The following CCDC141 variants were observed in gnomAD, a reference collection of about 807,000 sequenced individuals.
The protein encoded by CCDC141 is coiled-coil domain-containing protein 141.
A neutral mutation model predicts 181.0 loss-of-function variants in CCDC141; 168 were observed. The observed-to-expected ratio is 0.93, with a 90% CI of 0.82 to 1.05. CCDC141 has a LOEUF of 1.05. Ranked by LOEUF, CCDC141 falls within the 50% of genes least tolerant of loss-of-function variation. The probability of loss-of-function intolerance (pLI) is 0.00; values close to 1 mark genes in which losing one functional copy is unlikely to be tolerated. For synonymous variants in CCDC141, 666 were observed against 642.3 expected (o/e 1.04, Z -0.56); for missense variants, 1,902 against 1,788.5 (o/e 1.06, Z -1.14).
intron 2 of CCDC141, among the ~76,000 whole-genome samples, chr2:179,010,854 C>A (rs1025801311): frequency 6.6e-6 from 1 of 152,118 alleles, no homozygotes; most frequent in African/African-American, 2.4e-5. Context: ...TGCCTAAATG[C>A]TCCACTTAAA....
rs149705929 is a variant in CCDC141, at chr2:178,946,928, A to G, written c.781-2277T>C. 4.7e-3 allele frequency among the ~76,000 whole-genome samples: 721 copies of G among 152,310 alleles called. 1 individual carries two copies. The highest frequency in any genetic ancestry group is 0.017 in the African/African-American group (693 of 41,562). On this transcript the variant is annotated intron_variant, in intron 5 of 23. Coordinates refer to ENST00000443758, the MANE Select transcript of CCDC141 (RefSeq NM_173648.4). ...CTCTCTAGATCTACAAATTTTTACT[A>G]CCAGATGCACCCTGGAAAGAAACAT...
rs753511801 is a variant in CCDC141 at position 178,850,166 on chromosome 2, G to A, written c.3245-5C>T. 4.7e-6 allele frequency: 7 copies of A among 1,488,770 alleles called. No individual in the cohort carries two copies. Among genetic ancestry groups the A allele is most frequent in the South Asian group, 3.5e-5 (3 of 85,650 alleles). 92.2% of individuals were successfully genotyped at this position (1,488,770 alleles called of 1,614,324 possible). A position where few individuals can be genotyped will look rare whatever the true frequency, so the allele number is the denominator to read the frequency against. ...ATTTCTGTCCTTCTTCCAAACCTGG[G>A]GAGGAGAAGGATGAAACTAGTTTTA... On this transcript the variant is annotated splice_polypyrimidine_tract_variant and splice_region_variant and intron_variant, in intron 20 of 23. Coordinates refer to ENST00000443758, the MANE Select transcript of CCDC141 (RefSeq NM_173648.4).
At chr2:178,909,191 A>G (rs931086786) in intron 7 of CCDC141, among the ~76,000 whole-genome samples, 4 of 152,240 alleles carry the variant, frequency 2.6e-5, no homozygotes, top group Non-Finnish European at 4.4e-5. Context: ...ATGGAAATAA[A>G]TTGAAAGACT....
At chr2:178,834,801 A>G (rs1287135240) in intron 23 of CCDC141, among the ~76,000 whole-genome samples, 1 of 150,988 alleles carries the variant, frequency 6.6e-6, no homozygotes, top group Non-Finnish European at 1.5e-5. Context: ...GCTGGTCTTG[A>G]ACTCCTGGTT....
At chr2:178,820,131 T>C in the CCDC141 span, among the ~76,000 whole-genome samples, 2 of 152,230 alleles carry the variant, frequency 1.3e-5, no homozygotes, top group African/African-American at 4.8e-5. Context: ...ATTAGAAAGA[T>C]GTAGTTACTT....
At chr2:178,869,573 T>C (rs899447282) in intron 14 of CCDC141, among the ~76,000 whole-genome samples, 57 of 152,356 alleles carry the variant, frequency 3.7e-4, no homozygotes, top group African/African-American at 1.3e-3. Flanking sequence ...AGTCATACAT[T>C]TCTATGGCAT....
chr2:178,966,752 T>C (rs1330263879), intron 4 of CCDC141, among the ~76,000 whole-genome samples: 1 of 151,932 alleles, frequency 6.6e-6, no homozygotes, highest in Non-Finnish European at 1.5e-5. Context: ...GAGAATGAGT[T>C]TGACGAATGA....
intron 22 of CCDC141, among the ~76,000 whole-genome samples, chr2:178,842,081 A>ATG (rs1257080953): frequency 1.3e-5 from 2 of 152,098 alleles, no homozygotes; most frequent in African/African-American, 2.4e-5. Flanking sequence ...CAAAAAAAAA[A>ATG]TGTGTGTGTG....
Position 178,845,742 on chromosome 2 carries a change from G to T in CCDC141, c.3358C>A (p.Gln1120Lys). 5 of 1,557,702 alleles carry T rather than the reference G, an allele frequency of 3.2e-6. No homozygotes were observed. The highest frequency in any genetic ancestry group is 3.5e-6 in the Non-Finnish European group (4 of 1,128,930). ...GGATTCATCTTTAAAACATCTCCCT[G>T]CTGTACAAAGCAACAGTTAGTGAGA... ...SLTELEEKLK[Q>K]GDVLKMNPNL... is the part of the protein sequence containing the mutation. The change falls in exon 22 of 24, where the codon CAG (glutamine) becomes AAG (lysine). Residue 1120 changes from glutamine (Q) to lysine (K), a missense_variant and splice_region_variant. Physicochemically the swap from Gln to Lys is moderately conservative, Grantham distance 53. Coordinates refer to ENST00000443758, the MANE Select transcript of CCDC141 (RefSeq NM_173648.4).
At chr2:178,943,803 A>G (rs1359157567) in intron 6 of CCDC141, among the ~76,000 whole-genome samples, 5 of 152,206 alleles carry the variant, frequency 3.3e-5, no homozygotes, top group Admixed American at 3.3e-4. Flanking sequence ...ACAAGACACA[A>G]TGGAGAGAAG....
intron 2 of CCDC141, among the ~76,000 whole-genome samples, chr2:179,011,426 A>T (rs2042267470): frequency 6.6e-6 from 1 of 152,182 alleles, no homozygotes; most frequent in African/African-American, 2.4e-5. Flanking sequence ...AAATATCACA[A>T]TTCTAAACAT....
chr2:178,975,225 G>T, intron 3 of CCDC141, 60 bp from the exon 4 acceptor site: 2 of 847,050 alleles, frequency 2.4e-6, no homozygotes, highest in South Asian at 1.9e-5. Flanking sequence ...ACGTGCCATT[G>T]TTAGTTACCT....
chr2:179,044,143 G>A (rs938368883), intron 2 of CCDC141, among the ~76,000 whole-genome samples: 1 of 152,084 alleles, frequency 6.6e-6, no homozygotes, highest in Non-Finnish European at 1.5e-5. Context: ...ACCACTGCTC[G>A]AAGAAATCAG....
Position 178,871,608 on chromosome 2 carries a change from T to C in CCDC141, c.2080-56A>G, listed in dbSNP as rs1686124272. 3.1e-6 allele frequency: 5 copies of C among 1,596,148 alleles called. No individual in the cohort carries two copies. In the South Asian group the frequency reaches 5.6e-5, roughly 18 times the overall value. Reference sequence around the variant, plus strand: ...ATTTTCTTTGACATCTCCAGCAAATTTGATCATTCTAGGTATGACGCAGAG... The same window carrying C: ...ATTTTCTTTGACATCTCCAGCAAATCTGATCATTCTAGGTATGACGCAGAG... On this transcript the variant is annotated intron_variant, in intron 13 of 23. Coordinates refer to ENST00000443758, the MANE Select transcript of CCDC141 (RefSeq NM_173648.4).
chr2:178,994,265 C>T (rs1692184110), intron 2 of CCDC141, among the ~76,000 whole-genome samples: 1 of 152,244 alleles, frequency 6.6e-6, no homozygotes, highest in Non-Finnish European at 1.5e-5. Flanking sequence ...GGCATCCAGA[C>T]ATTTCCATAC....
chr2:178,912,094 AAC>A (rs1481674473), intron 7 of CCDC141, among the ~76,000 whole-genome samples: 1 of 152,226 alleles, frequency 6.6e-6, no homozygotes, highest in Non-Finnish European at 1.5e-5. Context: ...ATAATTATTG[AAC>A]ACCCACTAAC....
rs1470141103 is a variant in CCDC141, at chr2:179,047,306, T to A, written c.203A>T (p.Glu68Val). Reference sequence around the variant, plus strand: ...TACCTTGAGCTTGGCCAAAAGAAGTTCATGATCATGAAGAAGTTTTTTGGT... The same window carrying A: ...TACCTTGAGCTTGGCCAAAAGAAGTACATGATCATGAAGAAGTTTTTTGGT... ...DETKKLLHDH[E>V]LLLAKLKALE... Residue 68 changes from glutamate to valine, a missense_variant, in exon 2 of 24, where the codon GAA (glutamate) becomes GTA (valine). Physicochemically the swap from Glu to Val is moderately radical, Grantham distance 121. Coordinates refer to ENST00000443758, the MANE Select transcript of CCDC141 (RefSeq NM_173648.4). 2 of 1,541,372 alleles carry A rather than the reference T, an allele frequency of 1.3e-6. No individual in the cohort carries two copies.
intron 2 of CCDC141, among the ~76,000 whole-genome samples, chr2:179,017,552 A>G (rs1221425990): frequency 1.3e-5 from 2 of 152,140 alleles, no homozygotes; most frequent in African/African-American, 4.8e-5. Flanking sequence ...TTAAACTTGA[A>G]GAAAGTGGCA....
At chr2:178,922,316 G>A (rs183837251) in intron 6 of CCDC141, among the ~76,000 whole-genome samples, 48 of 152,242 alleles carry the variant, frequency 3.2e-4, no homozygotes, top group African/African-American at 1.0e-3. Flanking sequence ...TTACCAACTT[G>A]CCCAAGATGT....
Sources: gnomAD v4.1 joint callset for allele counts (sites outside exome capture counted in the v4.1 genomes callset) on GRCh38, gnomAD v4.1.1 for gene constraint, MANE v1.5 for transcripts, NCBI Gene and HGNC (gene_info 2026-07-23, HGNC 2026-07-21) for gene names.